Variants in SPIDR observed in about 807,000 individuals in gnomAD.
SPIDR encodes scaffold protein involved in DNA repair.
Under a neutral mutation model 104.6 loss-of-function variants are expected in SPIDR, and 93 were observed. The observed-to-expected ratio is 0.89, with a 90% confidence interval of 0.75 to 1.06. The LOEUF (loss-of-function observed/expected upper bound fraction) is 1.06. Among genes scored for constraint, SPIDR ranks in the 50% least tolerant of loss-of-function variants. SPIDR has a pLI of 0.00. For missense variants in SPIDR, 1,154 were observed against 1,111.2 expected (o/e 1.04, Z -0.55); for synonymous variants, 431 against 416.9 (o/e 1.03, Z -0.41).
intron 5 of SPIDR, among the ~76,000 whole-genome samples, chr8:47,296,781 G>T (rs1421063395): frequency 6.6e-6 from 1 of 152,168 alleles, no homozygotes. Flanking sequence ...TGTGAAGAAT[G>T]ACATTGGAAT....
At chr8:47,684,569 G>T (rs951270049) in intron 11 of SPIDR, among the ~76,000 whole-genome samples, 1 of 152,160 alleles carries the variant, frequency 6.6e-6, no homozygotes, top group African/African-American at 2.4e-5. Context: ...TTGTTAGGAG[G>T]ATTTAATGAG....
chr8:47,592,892 TG>T (rs1204203092), intron 8 of SPIDR, among the ~76,000 whole-genome samples: 1 of 152,140 alleles, frequency 6.6e-6, no homozygotes, highest in Admixed American at 6.6e-5. Flanking sequence ...GGGGGTTTTT[TG>T]TTTGTTTTTT....
chr8:47,382,520 C>G (rs1410259386), intron 5 of SPIDR, among the ~76,000 whole-genome samples: 1 of 152,198 alleles, frequency 6.6e-6, no homozygotes, highest in Non-Finnish European at 1.5e-5. Context: ...TCAAACGATT[C>G]TCCTGCCTCA....
intron 5 of SPIDR, among the ~76,000 whole-genome samples, chr8:47,312,268 A>T (rs2044333725): frequency 6.6e-6 from 1 of 152,044 alleles, no homozygotes; most frequent in South Asian, 2.1e-4. Flanking sequence ...TGGTATTTCT[A>T]GTTCTAGATC....
intron 7 of SPIDR, 66 bp from the exon 8 acceptor site, chr8:47,440,255 CTT>C: frequency 7.2e-7 from 1 of 1,393,182 alleles, no homozygotes; most frequent in Non-Finnish European, 1.0e-6. Flanking sequence ...TTTCATGACA[CTT>C]TATTCACGCT....
intron 10 of SPIDR, among the ~76,000 whole-genome samples, chr8:47,647,643 A>AGAGG (rs2070718425): frequency 2.7e-5 from 4 of 147,568 alleles, no homozygotes; most frequent in Non-Finnish European, 6.0e-5. Context: ...AGAGAGAGAG[A>AGAGG]GAGAGAGAGA....
intron 8 of SPIDR, among the ~76,000 whole-genome samples, chr8:47,568,648 G>T (rs896098890): frequency 6.6e-6 from 1 of 152,162 alleles, no homozygotes; most frequent in African/African-American, 2.4e-5. Flanking sequence ...GCAGCACACT[G>T]GAGCCAGGGT....
At chr8:47,295,070 A>G (rs2040596264) in intron 5 of SPIDR, among the ~76,000 whole-genome samples, 1 of 152,068 alleles carries the variant, frequency 6.6e-6, no homozygotes, top group Admixed American at 6.5e-5. Context: ...AAAATTCTTC[A>G]GTATATTCTG....
chr8:47,432,612 A>G (rs2067560789), intron 7 of SPIDR, among the ~76,000 whole-genome samples: 1 of 152,234 alleles, frequency 6.6e-6, no homozygotes, highest in African/African-American at 2.4e-5. Flanking sequence ...ACATAAAGAG[A>G]AATGATAAAC....
At chr8:47,283,704 G>A (rs2038261925) in intron 2 of SPIDR, among the ~76,000 whole-genome samples, 3 of 152,194 alleles carry the variant, frequency 2.0e-5, no homozygotes. Flanking sequence ...ACAGAGTAAT[G>A]CTATTACAAA....
chr8:47,261,221 G>A (rs1274545836), intron 1 of SPIDR, among the ~76,000 whole-genome samples: 1 of 152,218 alleles, frequency 6.6e-6, no homozygotes, highest in Non-Finnish European at 1.5e-5. Context: ...CTCAGCGGCG[G>A]TACGGAAAGC....
At chr8:47,688,200 G>A (rs184292334) in intron 11 of SPIDR, among the ~76,000 whole-genome samples, 4,998 of 152,094 alleles carry the variant, frequency 0.033, 104 homozygotes, top group Middle Eastern at 0.068. Context: ...TGCAATCTTG[G>A]CTCACTGCAA....
intron 8 of SPIDR, among the ~76,000 whole-genome samples, chr8:47,586,929 TG>T (rs771364921): frequency 3.9e-5 from 6 of 152,112 alleles, no homozygotes; most frequent in Non-Finnish European, 7.3e-5. Flanking sequence ...CCAGCACACC[TG>T]GCTAATTTTT....
chr8:47,712,043 C>G (rs11992284), intron 14 of SPIDR, among the ~76,000 whole-genome samples: 1 of 152,068 alleles, frequency 6.6e-6, no homozygotes, highest in Non-Finnish European at 1.5e-5. Context: ...CATCCTTGGC[C>G]CCATTTGCGT....
At chr8:47,672,382 T>A (rs945283747) in intron 10 of SPIDR, among the ~76,000 whole-genome samples, 13 of 152,246 alleles carry the variant, frequency 8.5e-5, no homozygotes, top group Non-Finnish European at 1.0e-4. Context: ...CTATTAGACG[T>A]GTTAGACCTT....
chr8:47,574,711 G>A (rs575130305), intron 8 of SPIDR, among the ~76,000 whole-genome samples: 7 of 152,176 alleles, frequency 4.6e-5, no homozygotes, highest in Admixed American at 2.6e-4. Flanking sequence ...GCTTGAACCC[G>A]GGAGGCAGCC....
At chr8:47,307,542 T>G (rs1482980722) in intron 5 of SPIDR, among the ~76,000 whole-genome samples, 1 of 139,902 alleles carries the variant, frequency 7.1e-6, no homozygotes, top group Non-Finnish European at 1.6e-5. Flanking sequence ...CGTTTTTTTT[T>G]TTTTTTTTTT....
chr8:47,318,107 G>A (rs1036358169), intron 5 of SPIDR, among the ~76,000 whole-genome samples: 4 of 152,152 alleles, frequency 2.6e-5, no homozygotes, highest in Non-Finnish European at 5.9e-5. Context: ...TGACTTTGAC[G>A]AGTTGAGAGA....
intron 10 of SPIDR, among the ~76,000 whole-genome samples, chr8:47,625,976 G>C (rs1159448048): frequency 6.6e-6 from 1 of 152,154 alleles, no homozygotes; most frequent in Non-Finnish European, 1.5e-5. Flanking sequence ...CACACTACCT[G>C]ACTTCAAACT....
Sources: allele counts gnomAD v4.1 joint callset (sites outside exome capture counted in the v4.1 genomes callset), GRCh38; gene constraint gnomAD v4.1.1; transcripts MANE v1.5; gene names NCBI Gene and HGNC (gene_info 2026-07-23, HGNC 2026-07-21).